The following WDR41 variants were observed in gnomAD, a reference collection of about 807,000 sequenced individuals.
WDR41 encodes WD repeat-containing protein 41.
Under a neutral mutation model 69.3 loss-of-function variants are expected in WDR41, and 63 were observed. The ratio of observed to expected loss-of-function variants is 0.91; its 90% CI spans 0.74 to 1.12. The LOEUF (loss-of-function observed/expected upper bound fraction) is 1.12. WDR41 is among the 50% of genes most tolerant of loss of function. The pLI, the probability that WDR41 is intolerant of heterozygous loss-of-function variation, is 0.00. For synonymous variants in WDR41, 185 were observed against 192.1 expected (o/e 0.96, Z 0.31); for missense variants, 543 against 534.5 (o/e 1.02, Z -0.16).
At chr5:77,469,227 C>A (rs1800444628) in intron 2 of WDR41, among the ~76,000 whole-genome samples, 1 of 152,014 alleles carries the variant, frequency 6.6e-6, no homozygotes, top group Non-Finnish European at 1.5e-5. Flanking sequence ...GAACATCACA[C>A]ACCAGGGCCT....
At chr5:77,456,376 G>A (rs1306763676) in intron 5 of WDR41, among the ~76,000 whole-genome samples, 1 of 152,132 alleles carries the variant, frequency 6.6e-6, no homozygotes, top group Non-Finnish European at 1.5e-5. Context: ...TTAATTTTTG[G>A]AATGTTCATT....
At chr5:77,522,514 C>G (rs893458396) in intron 1 of WDR41, among the ~76,000 whole-genome samples, 14 of 152,092 alleles carry the variant, frequency 9.2e-5, no homozygotes, top group African/African-American at 2.9e-4. Context: ...GTGGCGCTCA[C>G]CTGTAGTCCC....
At chr5:77,519,609 C>G (rs1055941773) in intron 1 of WDR41, among the ~76,000 whole-genome samples, 46 of 151,662 alleles carry the variant, frequency 3.0e-4, no homozygotes, top group African/African-American at 1.1e-3. Flanking sequence ...AGGTTTTAAA[C>G]TTTTTATTCT....
intron 2 of WDR41, among the ~76,000 whole-genome samples, chr5:77,470,991 C>A (rs1800577108): frequency 6.6e-6 from 1 of 152,172 alleles, no homozygotes; most frequent in African/African-American, 2.4e-5. Flanking sequence ...CAGCATCACA[C>A]CACACTTATT....
rs1389128725 is a variant in WDR41, at chr5:77,598,356, A to G, written c.42+22123T>C. 2.0e-5 allele frequency among the ~76,000 whole-genome samples: 3 copies of G among 152,346 alleles called. No homozygotes were observed. In the East Asian group the frequency reaches 5.8e-4, roughly 29 times the overall value. On this transcript the variant is annotated intron_variant, in intron 1 of 5. Coordinates refer to the WDR41 transcript ENST00000509971. ...CTACTCCCTTGTACAAGATGACCAC[A>G]TATCTCAGTCAGAGCCAATGACAGT...
intron 1 of WDR41, among the ~76,000 whole-genome samples, chr5:77,581,509 A>G (rs573736633): frequency 6.6e-6 from 1 of 152,348 alleles, no homozygotes; most frequent in African/African-American, 2.4e-5. Context: ...AACTACACAT[A>G]ACAGACTTCT....
chr5:77,611,514 G>C (rs1403619555), intron 1 of WDR41, among the ~76,000 whole-genome samples: 2 of 152,100 alleles, frequency 1.3e-5, no homozygotes, highest in African/African-American at 4.8e-5. Flanking sequence ...ACTCAAAACC[G>C]CTCAACTACA....
At chr5:77,464,274 C>CTT (rs71606297) in intron 3 of WDR41, among the ~76,000 whole-genome samples, 4,177 of 94,036 alleles carry the variant, frequency 0.044, 309 homozygotes, top group African/African-American at 0.066. Flanking sequence ...TAGGAAAAAA[C>CTT]TTTTTTTTTT....
At chr5:77,605,248 G>A (rs1744394024) in intron 1 of WDR41, among the ~76,000 whole-genome samples, 1 of 152,110 alleles carries the variant, frequency 6.6e-6, no homozygotes, top group Non-Finnish European at 1.5e-5. Flanking sequence ...CACACATTCT[G>A]TCTGCTCCTT....
intron 1 of WDR41, among the ~76,000 whole-genome samples, chr5:77,562,424 A>T (rs756470374): frequency 1.3e-5 from 2 of 152,222 alleles, no homozygotes; most frequent in Non-Finnish European, 2.9e-5. Flanking sequence ...GCTAATGAAT[A>T]TGTATCTGCA....
At chr5:77,517,453 C>A (rs972971367) in intron 1 of WDR41, among the ~76,000 whole-genome samples, 1 of 152,058 alleles carries the variant, frequency 6.6e-6, no homozygotes, top group Non-Finnish European at 1.5e-5. Context: ...TTTAAATGCC[C>A]CTGCTGCAGC....
upstream of WDR41, among the ~76,000 whole-genome samples, chr5:77,495,712 T>A (rs1561206268): frequency 1.3e-5 from 2 of 152,042 alleles, no homozygotes; most frequent in Non-Finnish European, 2.9e-5. Flanking sequence ...AACACAAATC[T>A]TTCTCAAATT....
At chr5:77,538,801 G>C (rs1743035831) in intron 1 of WDR41, among the ~76,000 whole-genome samples, 2 of 152,178 alleles carry the variant, frequency 1.3e-5, no homozygotes. Context: ...AATGAAATCA[G>C]GATAATTATA....
rs1743958958 is a variant in WDR41 at position 77,582,581 on chromosome 5, T to C, written c.42+37898A>G. 3.1e-6 allele frequency: 5 copies of C among 1,600,142 alleles called. No individual in the cohort carries two copies. The African/African-American group carries it at 5.3e-5, about 17-fold the overall frequency. Reference sequence around the variant, plus strand: ...TATAGGCAAATGTACAGAACTGAAATTCGAGTGGCGAGGATGGCAAGAAAA... The same window carrying C: ...TATAGGCAAATGTACAGAACTGAAACTCGAGTGGCGAGGATGGCAAGAAAA... On this transcript the variant is annotated intron_variant, in intron 1 of 5. Coordinates refer to the WDR41 transcript ENST00000509971.
intron 1 of WDR41, among the ~76,000 whole-genome samples, chr5:77,533,100 T>C: frequency 6.6e-6 from 1 of 152,188 alleles, no homozygotes; most frequent in Middle Eastern, 3.2e-3. Context: ...GGTGGGAATA[T>C]AAACCAGCAA....
intron 1 of WDR41, among the ~76,000 whole-genome samples, chr5:77,598,657 T>C (rs1744268502): frequency 1.1e-5 from 1 of 88,578 alleles, no homozygotes. Flanking sequence ...TTTTTTTTTG[T>C]TTTTTTTGTA....
chr5:77,501,853 T>C (rs1234592734), intron 1 of WDR41, among the ~76,000 whole-genome samples: 1 of 152,058 alleles, frequency 6.6e-6, no homozygotes, highest in Non-Finnish European at 1.5e-5. Context: ...AAAAAGGACA[T>C]CTACACCCCA....
chr5:77,604,766 A>G (rs1744385867), intron 1 of WDR41, among the ~76,000 whole-genome samples: 1 of 152,194 alleles, frequency 6.6e-6, no homozygotes, highest in Non-Finnish European at 1.5e-5. Context: ...GACTCAAGTG[A>G]TTATATTGCA....
At chr5:77,474,137 G>C (rs1800768747) in intron 2 of WDR41, among the ~76,000 whole-genome samples, 1 of 152,130 alleles carries the variant, frequency 6.6e-6, no homozygotes, top group South Asian at 2.1e-4. Flanking sequence ...CCTTTGTAGG[G>C]ACATGGATGA....
Sources: allele counts gnomAD v4.1 joint callset (sites outside exome capture counted in the v4.1 genomes callset), GRCh38; gene constraint gnomAD v4.1.1; transcripts MANE v1.5; gene names NCBI Gene and HGNC (gene_info 2026-07-23, HGNC 2026-07-21).